The following NEO1 variants were observed in gnomAD, a reference collection of about 807,000 sequenced individuals.
The protein encoded by NEO1 is neogenin 1.
In NEO1, 63 loss-of-function variants were observed where a neutral mutation model predicts 159.7. The observed-to-expected ratio is 0.39, with a 90% CI of 0.32 to 0.49. The LOEUF is 0.49. Ranked by LOEUF, NEO1 falls within the 20% of genes least tolerant of loss-of-function variation. The pLI, the probability that NEO1 is intolerant of heterozygous loss-of-function variation, is 0.85. For missense variants in NEO1, 1,615 were observed against 1,831.0 expected, an observed-to-expected ratio of 0.88 and a Z score of 2.15; for synonymous variants, 633 against 662.0, an observed-to-expected ratio of 0.96 and a Z score of 0.67.
At position 73,298,442 on chromosome 15, in the gene NEO1, C is replaced by T. The variant is rs754679509; in HGVS notation, c.3996C>T (p.Ser1332=). 6.2e-7 allele frequency: 1 copy of T among 1,614,230 alleles called. No individual in the cohort carries two copies. ...TDHQDPEGAT[S]SSYLASSQEE... The stretch of plus-strand genomic sequence containing the variant: ...ACCAGGACCCTGAAGGTGCTACCAG[C>T]TCCTCTTACTTGGCCAGCTCCCAAG... Residue 1332 remains serine, a synonymous_variant, in exon 27 of 29, where the codon AGC becomes AGT. Transcript: ENST00000261908.
chr15:73,290,440 C>A (rs2042122105), intron 25 of NEO1, among the ~76,000 whole-genome samples: 1 of 151,700 alleles, frequency 6.6e-6, no homozygotes, highest in Non-Finnish European at 1.5e-5. Context: ...ACCATATTGG[C>A]CAGGCTGGTC....
intron 11 of NEO1, among the ~76,000 whole-genome samples, chr15:73,250,083 A>G (rs1378474209): frequency 6.6e-6 from 1 of 152,162 alleles, no homozygotes; most frequent in Non-Finnish European, 1.5e-5. Context: ...CTACTTAGCA[A>G]TGATATTTGC....
chr15:73,266,256 C>A, intron 15 of NEO1, 60 bp from the exon 16 acceptor site: 1 of 1,330,844 alleles, frequency 7.5e-7, no homozygotes, highest in Non-Finnish European at 1.0e-6. Flanking sequence ...GCACAGCCAC[C>A]CTTGAATTTT....
At chr15:73,265,147 G>C (rs1478507225) in intron 15 of NEO1, among the ~76,000 whole-genome samples, 1 of 152,176 alleles carries the variant, frequency 6.6e-6, no homozygotes, top group South Asian at 2.1e-4. Context: ...TAATGATGGA[G>C]CACAGAGAAC....
intron 8 of NEO1, among the ~76,000 whole-genome samples, chr15:73,242,340 C>T (rs2039532416): frequency 6.6e-6 from 1 of 152,046 alleles, no homozygotes; most frequent in Non-Finnish European, 1.5e-5. Context: ...GGTATTCTTG[C>T]AGTAAAGTAA....
chr15:73,110,974 A>C (rs907636672), intron 1 of NEO1, among the ~76,000 whole-genome samples: 7 of 152,110 alleles, frequency 4.6e-5, no homozygotes, highest in Non-Finnish European at 8.8e-5. Flanking sequence ...ACCACCAACA[A>C]AATTTTTGTT....
chr15:73,271,319 G>T (rs1223727891), intron 18 of NEO1, among the ~76,000 whole-genome samples: 1 of 152,160 alleles, frequency 6.6e-6, no homozygotes, highest in Non-Finnish European at 1.5e-5. Flanking sequence ...TTTCCCTTAG[G>T]ATATTTGCAT....
intron 5 of NEO1, among the ~76,000 whole-genome samples, chr15:73,165,048 C>T (rs973798796): frequency 7.3e-5 from 11 of 151,520 alleles, no homozygotes; most frequent in African/African-American, 1.2e-4. Flanking sequence ...CTGCCTTTGC[C>T]TCCTGAGTGA....
In NEO1 at chr15:73,285,547, A is replaced by C. The variant is rs983592784; in HGVS notation, c.3410+2436A>C. 2.6e-5 allele frequency among the ~76,000 whole-genome samples: 4 copies of C among 152,174 alleles called. 1 individual carries two copies. The highest frequency in any genetic ancestry group is 2.6e-4 in the Admixed American group (4 of 15,282). On this transcript the variant is annotated intron_variant, in intron 23 of 28. Transcript: ENST00000261908. ...CACTTCCCCAGTTATCTGCTTTGCA[A>C]GTATTCCATTGACTGTTGAAAAATA...
intron 3 of NEO1, among the ~76,000 whole-genome samples, chr15:73,124,060 A>C (rs1052563109): frequency 3.3e-5 from 5 of 151,998 alleles, no homozygotes; most frequent in African/African-American, 1.2e-4. Flanking sequence ...GTGCACGCAT[A>C]TGCATATGTG....
chr15:73,267,322 A>C (rs1303824757), intron 16 of NEO1, among the ~76,000 whole-genome samples: 1 of 152,206 alleles, frequency 6.6e-6, no homozygotes, highest in Non-Finnish European at 1.5e-5. Context: ...TTTTCTATAG[A>C]TATATAAGAC....
At chr15:73,217,170 T>C (rs9672639) in intron 7 of NEO1, among the ~76,000 whole-genome samples, 62,274 of 146,378 alleles carry the variant, frequency 0.43, 14,347 homozygotes, top group Admixed American at 0.52. Context: ...TTCCCAGCAC[T>C]ATTTATTAAA....
chr15:73,132,957 A>G (rs1013641560), intron 4 of NEO1, among the ~76,000 whole-genome samples: 2 of 152,212 alleles, frequency 1.3e-5, no homozygotes, highest in African/African-American at 2.4e-5. Flanking sequence ...TACAACCACT[A>G]TGGAAAACAG....
intron 1 of NEO1, among the ~76,000 whole-genome samples, chr15:73,062,816 C>A (rs982937058): frequency 1.3e-5 from 2 of 152,176 alleles, no homozygotes; most frequent in African/African-American, 4.8e-5. Context: ...CACCTTGAGT[C>A]TGAAATGTCA....
intron 1 of NEO1, among the ~76,000 whole-genome samples, chr15:73,101,788 C>T (rs945243083): frequency 1.3e-5 from 2 of 152,066 alleles, no homozygotes; most frequent in East Asian, 1.9e-4. Flanking sequence ...ATCATCTTAC[C>T]GTGTAATTGC....
At chr15:73,298,201 G>A in intron 26 of NEO1, 147 bp from the exon 27 acceptor site, 1 of 910,494 alleles carries the variant, frequency 1.1e-6, no homozygotes, top group African/African-American at 1.7e-5. Context: ...ATCCCTGGCA[G>A]TGGTGCTAAT....
At chr15:73,266,180 C>A in intron 15 of NEO1, 136 bp from the exon 16 acceptor site, 2 of 631,466 alleles carry the variant, frequency 3.2e-6, no homozygotes, top group South Asian at 2.3e-5. Context: ...TCCCTACAAC[C>A]TGAAATAATC....
intron 5 of NEO1, among the ~76,000 whole-genome samples, chr15:73,155,497 A>C (rs564855240): frequency 1.3e-4 from 20 of 152,232 alleles, no homozygotes; most frequent in African/African-American, 4.8e-4. Flanking sequence ...CTCTATGTGA[A>C]TGTCTAACTC....
At chr15:73,272,859 T>C (rs988083039) in intron 19 of NEO1, among the ~76,000 whole-genome samples, 1 of 151,556 alleles carries the variant, frequency 6.6e-6, no homozygotes, top group African/African-American at 2.4e-5. Context: ...GGAAAGCTGC[T>C]CTTCTCTGTC....
Sources: allele counts gnomAD v4.1 joint callset (sites outside exome capture counted in the v4.1 genomes callset), GRCh38; gene constraint gnomAD v4.1.1; transcripts MANE v1.5; gene names NCBI Gene and HGNC (gene_info 2026-07-23, HGNC 2026-07-21).